The following RFT1 variants were observed in gnomAD, a reference collection of about 807,000 sequenced individuals.
The protein encoded by RFT1 is RFT1 glycolipid translocator homolog.
A neutral mutation model predicts 62.2 loss-of-function variants in RFT1; 43 were observed. The ratio of observed to expected loss-of-function variants is 0.69; its 90% CI spans 0.54 to 0.89. RFT1 has a LOEUF of 0.89. Among genes scored for constraint, RFT1 ranks in the 40% least tolerant of loss-of-function variants. The pLI, the probability that RFT1 is intolerant of heterozygous loss-of-function variation, is 0.00. For synonymous variants in RFT1, 262 were observed against 264.6 expected, an observed-to-expected ratio of 0.99 and a Z score of 0.10; for missense variants, 605 against 649.9, an observed-to-expected ratio of 0.93 and a Z score of 0.75.
chr3:53,076,612 G>A, the RFT1 span, among the ~76,000 whole-genome samples: 1 of 152,150 alleles, frequency 6.6e-6, no homozygotes, highest in Non-Finnish European at 1.5e-5. Flanking sequence ...GGAAATGTAT[G>A]GAGAGGTGGC....
chr3:53,109,443 T>C (rs1025154079), intron 7 of RFT1, among the ~76,000 whole-genome samples: 1 of 152,208 alleles, frequency 6.6e-6, no homozygotes, highest in African/African-American at 2.4e-5. Flanking sequence ...CATCTCAGTA[T>C]TCTCAGCACC....
chr3:53,081,533 CTCCTT>C, the RFT1 span, among the ~76,000 whole-genome samples: 2 of 152,174 alleles, frequency 1.3e-5, no homozygotes, highest in African/African-American at 2.4e-5. Flanking sequence ...CATTTCTGTT[CTCCTT>C]TCATCTTTCC....
the RFT1 span, among the ~76,000 whole-genome samples, chr3:53,077,435 T>C: frequency 6.6e-6 from 1 of 152,198 alleles, no homozygotes; most frequent in African/African-American, 2.4e-5. Context: ...CCCATGCCTG[T>C]GGGCAGGGAA....
At chr3:53,097,325 A>C (rs918695074) in intron 11 of RFT1, among the ~76,000 whole-genome samples, 2 of 152,146 alleles carry the variant, frequency 1.3e-5, no homozygotes, top group Non-Finnish European at 2.9e-5. Flanking sequence ...CCAGGGGCCC[A>C]GAAAGAACTG....
Position 53,104,038 on chromosome 3 carries a change from G to A in RFT1, c.1017C>T (p.Ala339=), listed in dbSNP as rs142123445. The change falls in exon 10 of 13, where the codon GCC becomes GCT. Residue 339 remains alanine (A), a synonymous_variant. Coordinates refer to ENST00000296292, the MANE Select transcript of RFT1 (RefSeq NM_052859.4). ...LESLLKLALL[A]GLTITVFGFA... is the part of the protein sequence containing the mutation. ...AGCCAAAAACAGTGATGGTCAGGCCGGCCAGCAGGGCCAGCTTGAGCAGGG... is the reference window on the plus strand; with the variant it reads ...AGCCAAAAACAGTGATGGTCAGGCCAGCCAGCAGGGCCAGCTTGAGCAGGG... The A allele has an allele frequency of 6.1e-5, 99 of 1,614,170 alleles. No individual in the cohort carries two copies. Among genetic ancestry groups the A allele is most frequent in the East Asian group, 2.0e-4 (9 of 44,882 alleles).
At chr3:53,119,314 AG>A (rs2107155558) in intron 6 of RFT1, among the ~76,000 whole-genome samples, 1 of 152,270 alleles carries the variant, frequency 6.6e-6, no homozygotes, top group East Asian at 1.9e-4. Context: ...AGCAGAATAG[AG>A]AGAGTGGAAC....
chr3:53,080,993 C>T, the RFT1 span, among the ~76,000 whole-genome samples: 1 of 152,206 alleles, frequency 6.6e-6, no homozygotes, highest in East Asian at 1.9e-4. Flanking sequence ...CAAGAAAGGA[C>T]GAGGAGCCTG....
downstream of RFT1, among the ~76,000 whole-genome samples, chr3:53,087,526 A>AT (rs138507991): frequency 3.4e-3 from 500 of 147,466 alleles, 2 homozygotes; most frequent in African/African-American, 7.1e-3. Context: ...TCAGGAAATA[A>AT]TTTTTTTTTT....
chr3:53,092,459 C>A lies in RFT1; in HGVS notation c.1368G>T (p.Arg456Ser). ...GGCCAGCCAGGGGCCTGTGGGGGCTCCTTCGGTAGTAGCGGTGGATGAAGC... is the reference window on the plus strand; with the variant it reads ...GGCCAGCCAGGGGCCTGTGGGGGCTACTTCGGTAGTAGCGGTGGATGAAGC... ...SLCFIHRYYR[R>S]SPHRPLAGLH... Residue 456 changes from arginine to serine, a missense_variant, in exon 12 of 13, where the codon AGG (arginine) becomes AGT (serine). Transcript: ENST00000296292. The A allele has an allele frequency of 6.2e-7, 1 of 1,611,962 alleles. No individual in the cohort carries two copies. Among genetic ancestry groups the A allele is most frequent in the South Asian group, 1.1e-5 (1 of 90,284 alleles).
intron 1 of RFT1, among the ~76,000 whole-genome samples, chr3:53,126,419 T>C (rs1205212768): frequency 6.6e-6 from 1 of 152,220 alleles, no homozygotes; most frequent in Non-Finnish European, 1.5e-5. Flanking sequence ...CTTAAGGGTA[T>C]AGCAGACTCA....
intron 10 of RFT1, 134 bp from the exon 11 acceptor site, chr3:53,099,620 G>A (rs891935727): frequency 2.0e-5 from 14 of 712,348 alleles, no homozygotes; most frequent in Admixed American, 1.2e-4. Context: ...CAGACTGCAT[G>A]CTAGAGCCCA....
chr3:53,121,027 A>C (rs1277761290), intron 5 of RFT1, among the ~76,000 whole-genome samples: 1 of 152,230 alleles, frequency 6.6e-6, no homozygotes, highest in Non-Finnish European at 1.5e-5. Context: ...TTATCTTCCT[A>C]AACATTAATG....
At chr3:53,080,588 T>G in the RFT1 span, among the ~76,000 whole-genome samples, 5 of 152,274 alleles carry the variant, frequency 3.3e-5, no homozygotes, top group Admixed American at 2.6e-4. Context: ...AACAAACGAT[T>G]CCAGGGACCA....
intron 7 of RFT1, among the ~76,000 whole-genome samples, chr3:53,110,521 T>G (rs1432374130): frequency 6.6e-6 from 1 of 152,130 alleles, no homozygotes; most frequent in Non-Finnish European, 1.5e-5. Context: ...AAGGTTAGGC[T>G]GGAAACGTGT....
At position 53,122,393 on chromosome 3, in the gene RFT1, T is replaced by A; in HGVS notation, c.437A>T (p.His146Leu). ...GEPFWVLAQAHMFVKLKVIAE... is the reference protein window; with the variant it reads ...GEPFWVLAQALMFVKLKVIAE... ...ACTGACCTTGAGCTTCACAAACATATGTGCTTGTGCCAAGACCCAAAAGGG... is the reference window on the plus strand; with the variant it reads ...ACTGACCTTGAGCTTCACAAACATAAGTGCTTGTGCCAAGACCCAAAAGGG... The change falls in exon 4 of 13, where the codon CAT becomes CTT. Residue 146 changes from histidine to leucine, a missense_variant. His to Leu is a moderately conservative substitution (Grantham distance 99). Transcript: ENST00000296292. The A allele has an allele frequency of 1.2e-6, 2 of 1,613,992 alleles. No individual in the cohort carries two copies. Among genetic ancestry groups the A allele is most frequent in the South Asian group, 1.1e-5 (1 of 91,082 alleles).
At position 53,106,868 on chromosome 3, in the gene RFT1, G is replaced by T; in HGVS notation, c.777C>A (p.Gly259=). The change falls in exon 8 of 13, where the codon GGC becomes GGA. Residue 259 remains glycine (G), a splice_region_variant and synonymous_variant. Coordinates refer to ENST00000296292, the MANE Select transcript of RFT1 (RefSeq NM_052859.4). ...QSFLKQILTE[G]ERYVMTFLNV... ...TCAAAAATGTCATCACATATCGCTCGCCTATAAACAAAAAAGCAAAATAAT... is the reference window on the plus strand; with the variant it reads ...TCAAAAATGTCATCACATATCGCTCTCCTATAAACAAAAAAGCAAAATAAT... 1 of 1,612,050 alleles carries T rather than the reference G, an allele frequency of 6.2e-7. No homozygotes were observed. Among genetic ancestry groups the T allele is most frequent in the Non-Finnish European group, 8.5e-7 (1 of 1,178,518 alleles).
the RFT1 span, among the ~76,000 whole-genome samples, chr3:53,079,325 C>T: frequency 6.6e-6 from 1 of 152,206 alleles, no homozygotes; most frequent in African/African-American, 2.4e-5. Context: ...CTCACACCTT[C>T]CCCAAGGATC....
At chr3:53,070,396 T>G in the RFT1 span, among the ~76,000 whole-genome samples, 22 of 130,870 alleles carry the variant, frequency 1.7e-4, 1 homozygote, top group East Asian at 2.5e-3. Context: ...TATTATGGTT[T>G]TTTTTTTTTT....
intron 5 of RFT1, among the ~76,000 whole-genome samples, chr3:53,120,279 G>C (rs1346581138): frequency 2.0e-5 from 3 of 152,208 alleles, no homozygotes; most frequent in Non-Finnish European, 4.4e-5. Context: ...TTCCATAACA[G>C]ATGTACACTA....
Sources: allele counts gnomAD v4.1 joint callset (sites outside exome capture counted in the v4.1 genomes callset), GRCh38; gene constraint gnomAD v4.1.1; transcripts MANE v1.5; gene names NCBI Gene and HGNC (gene_info 2026-07-23, HGNC 2026-07-21).